KIAA1755: variants seen among roughly 807,000 people sequenced by gnomAD.
The protein encoded by KIAA1755 is uncharacterized protein KIAA1755.
A neutral mutation model predicts 91.7 loss-of-function variants in KIAA1755; 68 were observed. The ratio of observed to expected loss-of-function variants is 0.74; its 90% CI spans 0.61 to 0.91. The LOEUF is 0.91. Ranked by LOEUF, KIAA1755 falls within the 40% of genes least tolerant of loss-of-function variation. The pLI is 0.00. For missense variants in KIAA1755, 1,535 were observed against 1,494.4 expected (o/e 1.03, Z -0.45); for synonymous variants, 610 against 604.6 (o/e 1.01, Z -0.13).
intron 1 of KIAA1755, among the ~76,000 whole-genome samples, chr20:38,255,367 C>A (rs944198416): frequency 6.6e-6 from 1 of 152,128 alleles, no homozygotes. Flanking sequence ...ACCAGGGAAG[C>A]AATGGGGAAT....
rs566109939 is a variant in KIAA1755, at chr20:38,260,492, C to T, written c.3+6G>A. On this transcript the variant is annotated splice_donor_region_variant and intron_variant, in intron 1 of 13. Transcript: ENST00000279024. ...GAGCGAGGTGGTCCAGGCCTTGGCG[C>T]GTTACCATGGTGACGGGCTGCCAGC... 17 of 1,487,142 alleles carry T rather than the reference C, an allele frequency of 1.1e-5. No homozygotes were observed. Among genetic ancestry groups the T allele is most frequent in the Non-Finnish European group, 1.5e-5 (17 of 1,120,202 alleles). The allele number at this position is 1,487,142 out of a possible 1,614,324, so 92.1% of individuals were successfully genotyped here.
rs1237482768 is a variant in KIAA1755, at chr20:38,241,131, T to G, written c.1000A>C (p.Asn334His). The change falls in exon 3 of 14, where the codon AAT becomes CAT. Residue 334 changes from asparagine (N) to histidine (H), a missense_variant. Asn to His is a moderately conservative substitution (Grantham distance 68). Coordinates refer to ENST00000279024, the MANE Select transcript of KIAA1755 (RefSeq NM_001029864.2). The part of the protein sequence containing the change: ...SEANEGPSLG[N>H]RACTKPESSE... ...CTTTCTGGCTTTGTGCAAGCCCGAT[T>G]TCCCAAGGAAGGTCCTTCATTGGCC... is the stretch of plus-strand genomic sequence containing the variant. 1.2e-6 allele frequency: 2 copies of G among 1,614,078 alleles called. No individual in the cohort carries two copies. Among genetic ancestry groups the G allele is most frequent in the Admixed American group, 1.7e-5 (1 of 60,010 alleles).
At chr20:38,255,085 G>A (rs970700777) in intron 1 of KIAA1755, among the ~76,000 whole-genome samples, 16 of 152,004 alleles carry the variant, frequency 1.1e-4, no homozygotes, top group Admixed American at 9.8e-4. Context: ...GCCGAGGCAG[G>A]AGAATTGCTT....
At chr20:38,231,061 G>T in intron 5 of KIAA1755, 141 bp downstream of exon 5, 1 of 893,104 alleles carries the variant, frequency 1.1e-6, no homozygotes, top group Non-Finnish European at 1.6e-6. Context: ...GCTTTCCCCC[G>T]GCATCTGTCT....
intron 1 of KIAA1755, among the ~76,000 whole-genome samples, chr20:38,258,939 G>A (rs2123370749): frequency 6.6e-6 from 1 of 152,324 alleles, no homozygotes; most frequent in Non-Finnish European, 1.5e-5. Flanking sequence ...ACTAGGTTAG[G>A]TGTGAAAGCA....
intron 1 of KIAA1755, among the ~76,000 whole-genome samples, chr20:38,247,493 T>A (rs904312139): frequency 6.6e-6 from 1 of 152,198 alleles, no homozygotes; most frequent in African/African-American, 2.4e-5. Context: ...TTTTCTTGGG[T>A]GCCCCCAACT....
chr20:38,225,581 G>C (rs1057062099), intron 8 of KIAA1755, 84 bp downstream of exon 8: 16 of 879,902 alleles, frequency 1.8e-5, no homozygotes, highest in East Asian at 1.4e-4. Flanking sequence ...AGCATAGCAG[G>C]GTTGATGGAT....
At chr20:38,220,005 G>A (rs751516378) in intron 10 of KIAA1755, among the ~76,000 whole-genome samples, 4 of 152,206 alleles carry the variant, frequency 2.6e-5, no homozygotes, top group Non-Finnish European at 5.9e-5. Flanking sequence ...CCCTAGAAGG[G>A]AATGAAGCTG....
At chr20:38,255,750 A>G (rs1010867038) in intron 1 of KIAA1755, among the ~76,000 whole-genome samples, 2 of 152,140 alleles carry the variant, frequency 1.3e-5, no homozygotes, top group South Asian at 2.1e-4. Flanking sequence ...AACTGGGAAA[A>G]CAGCCCTGAT....
intron 13 of KIAA1755, among the ~76,000 whole-genome samples, chr20:38,215,596 G>C (rs769897474): frequency 2.0e-5 from 3 of 152,350 alleles, no homozygotes; most frequent in South Asian, 2.1e-4. Flanking sequence ...GCAAAGAGGG[G>C]ATGTGTGAGC....
At chr20:38,247,369 CG>C (rs937627770) in intron 1 of KIAA1755, among the ~76,000 whole-genome samples, 1 of 152,088 alleles carries the variant, frequency 6.6e-6, no homozygotes, top group Non-Finnish European at 1.5e-5. Flanking sequence ...TTGCTCACCT[CG>C]AGGCCACCGC....
In KIAA1755 at chr20:38,239,628, TG is replaced by T; in HGVS notation, c.1646del (p.Pro549GlnfsTer21). On this transcript the variant is annotated frameshift_variant, in exon 4 of 14. Coordinates refer to ENST00000279024, the MANE Select transcript of KIAA1755 (RefSeq NM_001029864.2). LOFTEE classifies it high-confidence loss of function. The part of the protein sequence containing the change: ...AALPEASAGS[P>X]ERGPTLEEEP... ...CCTCCTCCAGGGTGGGGCCTCTTTC[TG>T]GGGAGCCTGCAGAAGCTTCTGGCAA... The T allele has an allele frequency of 6.2e-7, 1 of 1,605,632 alleles. No homozygotes were observed. Among genetic ancestry groups the T allele is most frequent in the Non-Finnish European group, 8.5e-7 (1 of 1,177,034 alleles).
intron 12 of KIAA1755, chr20:38,217,876 G>A (rs982737914): frequency 5.5e-5 from 22 of 396,914 alleles, no homozygotes; most frequent in Non-Finnish European, 6.9e-5. Context: ...ATTCCTGAGC[G>A]CTGATACGGG....
rs112727160 is a variant in KIAA1755, at chr20:38,253,330, G to A, written c.3+7168C>T. Among the ~76,000 whole-genome samples, 531 of 152,292 alleles carry A rather than the reference G, an allele frequency of 3.5e-3. 2 individuals carry two copies. Among genetic ancestry groups the A allele is most frequent in the African/African-American group, 0.012 (480 of 41,554 alleles). On this transcript the variant is annotated intron_variant, in intron 1 of 13. Transcript: ENST00000279024. ...CCTGGGCAGGGGAGTAGGGGCGTGC[G>A]TATACTTCCATTTCAATGTCTTTGC... is the stretch of plus-strand genomic sequence containing the variant.
At chr20:38,233,936 G>T (rs2075912786) in intron 4 of KIAA1755, 1 of 152,124 alleles carries the variant, frequency 6.6e-6, no homozygotes, top group African/African-American at 2.4e-5. Flanking sequence ...TTAAAATGAG[G>T]TTACTGTGGG....
At position 38,211,089 on chromosome 20, in the gene KIAA1755, G is replaced by A. The variant is rs1379943437; in HGVS notation, c.*1953C>T. On this transcript the variant is annotated 3_prime_UTR_variant, in exon 14 of 14. Transcript: ENST00000279024. ...ACCAAGAGTCTATTTTAATGTCTGG[G>A]GTAGGATTCCCTAGGAAGCCTTTTG... The A allele has an allele frequency of 1.3e-5, 2 of 152,240 alleles. No individual in the cohort carries two copies. The highest frequency in any genetic ancestry group is 4.8e-5 in the African/African-American group (2 of 41,454). 9.4% of individuals were successfully genotyped at this position (152,240 alleles called of 1,614,324 possible). A position where few individuals can be genotyped will look rare whatever the true frequency, so the allele number is the denominator to read the frequency against.
Position 38,225,728 on chromosome 20 carries a change from C to G in KIAA1755, c.2106G>C (p.Gln702His), listed in dbSNP as rs2075744887. The change falls in exon 8 of 14, where the codon CAG becomes CAC. Residue 702 changes from glutamine to histidine, a missense_variant. Gln to His is a conservative substitution (Grantham distance 24). Coordinates refer to ENST00000279024, the MANE Select transcript of KIAA1755 (RefSeq NM_001029864.2). ...KALSHHVDPS[Q>H]LPAVLEGPFP... Reference sequence around the variant, plus strand: ...AGGGGCCTTCCAGGACTGCGGGCAGCTGGCTGGGGTCCACATGGTGGCTGA... The same window carrying G: ...AGGGGCCTTCCAGGACTGCGGGCAGGTGGCTGGGGTCCACATGGTGGCTGA... The G allele has an allele frequency of 2.5e-6, 4 of 1,608,938 alleles. No individual in the cohort carries two copies. In the East Asian group the frequency reaches 8.9e-5, roughly 36 times the overall value.
intron 4 of KIAA1755, among the ~76,000 whole-genome samples, chr20:38,236,139 A>G (rs1205450): frequency 0.34 from 51,657 of 152,102 alleles, 8,881 homozygotes; most frequent in Middle Eastern, 0.51. Flanking sequence ...TGAATGTGGG[A>G]TGTAAGAGAA....
Position 38,248,208 on chromosome 20 carries a change from G to T in KIAA1755, c.4-2082C>A, listed in dbSNP as rs146573804. ...GGCGCCACTGCACTCCAGCCTAGGC[G>T]ACAGAGCAATAATAAATAAAATAAA... is the stretch of plus-strand genomic sequence containing the variant. On this transcript the variant is annotated intron_variant, in intron 1 of 13. Coordinates refer to ENST00000279024, the MANE Select transcript of KIAA1755 (RefSeq NM_001029864.2). Among the ~76,000 whole-genome samples, 10 of 152,218 alleles carry T rather than the reference G, an allele frequency of 6.6e-5. No individual in the cohort carries two copies. The South Asian group carries it at 2.1e-3, about 32-fold the overall frequency.
Sources: allele counts gnomAD v4.1 joint callset (sites outside exome capture counted in the v4.1 genomes callset), GRCh38; gene constraint gnomAD v4.1.1; transcripts MANE v1.5; gene names NCBI Gene and HGNC (gene_info 2026-07-23, HGNC 2026-07-21).